The following SUGCT variants were observed in gnomAD, a reference collection of about 807,000 sequenced individuals.
SUGCT encodes the protein succinyl-CoA:glutarate-CoA transferase.
In SUGCT, 41 loss-of-function variants were observed where a neutral mutation model predicts 55.0. The ratio of observed to expected loss-of-function variants is 0.74; its 90% confidence interval spans 0.58 to 0.97. SUGCT has a LOEUF of 0.97. SUGCT is among the 50% of genes least tolerant of loss of function. SUGCT has a pLI of 0.00. For missense variants in SUGCT, 568 were observed against 547.8 expected (o/e 1.04, Z -0.37); for synonymous variants, 187 against 200.4 (o/e 0.93, Z 0.56).
At chr7:40,544,468 T>A (rs559996658) in intron 12 of SUGCT, among the ~76,000 whole-genome samples, 5 of 152,334 alleles carry the variant, frequency 3.3e-5, no homozygotes, top group Middle Eastern at 6.8e-3. Context: ...GTGCATTTTA[T>A]CATGCCGAAG....
intron 6 of SUGCT, among the ~76,000 whole-genome samples, chr7:40,208,051 A>C (rs1787095118): frequency 6.6e-6 from 1 of 152,204 alleles, no homozygotes; most frequent in Non-Finnish European, 1.5e-5. Context: ...ATGAACCTTG[A>C]AGACATTTTG....
intron 12 of SUGCT, among the ~76,000 whole-genome samples, chr7:40,606,268 G>A (rs1798531961): frequency 2.0e-5 from 3 of 152,182 alleles, no homozygotes; most frequent in Non-Finnish European, 4.4e-5. Flanking sequence ...AAAGAAGGAA[G>A]CATTGAAGAA....
intron 6 of SUGCT, among the ~76,000 whole-genome samples, chr7:40,229,812 C>CAAAAAAAA (rs771471649): frequency 3.3e-5 from 2 of 60,780 alleles, no homozygotes; most frequent in Admixed American, 1.9e-4. Context: ...GACTCTGTCT[C>CAAAAAAAA]AAAAAAAAAA....
chr7:40,823,407 T>C (rs1353022368), intron 13 of SUGCT, among the ~76,000 whole-genome samples: 1 of 152,044 alleles, frequency 6.6e-6, no homozygotes, highest in African/African-American at 2.4e-5. Flanking sequence ...CATTTAAAAA[T>C]AGATCCAAAG....
chr7:40,172,392 C>A (rs1449414263), intron 1 of SUGCT, among the ~76,000 whole-genome samples: 1 of 152,080 alleles, frequency 6.6e-6, no homozygotes, highest in Non-Finnish European at 1.5e-5. Flanking sequence ...GCACCAGGGA[C>A]AAGACTCCCT....
At chr7:40,349,673 C>A (rs1481155087) in intron 9 of SUGCT, among the ~76,000 whole-genome samples, 1 of 151,964 alleles carries the variant, frequency 6.6e-6, no homozygotes, top group Non-Finnish European at 1.5e-5. Context: ...AGAAGTTCTT[C>A]TTATATGGTT....
chr7:40,617,694 C>T (rs1799075240), intron 12 of SUGCT, among the ~76,000 whole-genome samples: 1 of 152,142 alleles, frequency 6.6e-6, no homozygotes, highest in Non-Finnish European at 1.5e-5. Flanking sequence ...CAGATTTTGT[C>T]TATAAATTGA....
the SUGCT span, among the ~76,000 whole-genome samples, chr7:40,915,710 C>G: frequency 1.6e-5 from 2 of 122,872 alleles, no homozygotes; most frequent in African/African-American, 7.5e-5. Context: ...CTGGGACAGG[C>G]AGCCCTTCCC....
At chr7:40,223,148 C>T (rs1029229624) in intron 6 of SUGCT, among the ~76,000 whole-genome samples, 1 of 151,850 alleles carries the variant, frequency 6.6e-6, no homozygotes, top group Admixed American at 6.6e-5. Flanking sequence ...GCAACCTCCG[C>T]CTCCTGTGTT....
rs1366543283 is a variant in SUGCT, at chr7:40,842,364, AT to A, written c.1154-17945del. Reference sequence around the variant, plus strand: ...GTTCTTCCAAGAAGAAATAATAAGCATTTTTTTAAAGTCTGACAGTGTTTTC... The same window carrying A: ...GTTCTTCCAAGAAGAAATAATAAGCATTTTTTAAAGTCTGACAGTGTTTTC... On this transcript the variant is annotated intron_variant, in intron 13 of 13. Coordinates refer to ENST00000335693, the MANE Select transcript of SUGCT (RefSeq NM_001193313.2). 4.6e-5 allele frequency among the ~76,000 whole-genome samples: 7 copies of A among 152,086 alleles called. No homozygotes were observed. The South Asian group carries it at 8.3e-4, about 18-fold the overall frequency.
the SUGCT span, among the ~76,000 whole-genome samples, chr7:40,943,100 C>T: frequency 1.3e-5 from 2 of 151,726 alleles, no homozygotes; most frequent in Non-Finnish European, 2.9e-5. Flanking sequence ...TGTTAGAGAG[C>T]TAGTGTGATC....
chr7:40,184,640 G>A (rs978227804), intron 3 of SUGCT, among the ~76,000 whole-genome samples: 1 of 152,022 alleles, frequency 6.6e-6, no homozygotes, highest in African/African-American at 2.4e-5. Flanking sequence ...CATGGCCTAT[G>A]CAGCTTGTTT....
chr7:40,669,726 T>C (rs1428888601), intron 12 of SUGCT, among the ~76,000 whole-genome samples: 3 of 150,670 alleles, frequency 2.0e-5, no homozygotes, highest in East Asian at 1.9e-4. Context: ...AACTTGAAGA[T>C]AGAACAAAAT....
chr7:40,313,960 T>C (rs73320546), intron 8 of SUGCT, among the ~76,000 whole-genome samples: 1,837 of 152,326 alleles, frequency 0.012, 31 homozygotes, highest in African/African-American at 0.042. Flanking sequence ...GTGAGCCTGC[T>C]AATTCTGAAA....
chr7:40,437,887 C>G (rs1788261417), intron 9 of SUGCT, among the ~76,000 whole-genome samples: 1 of 151,956 alleles, frequency 6.6e-6, no homozygotes. Context: ...AGTTTATGCT[C>G]TTGTTTTGAA....
At chr7:40,507,581 C>A (rs1383107050) in intron 12 of SUGCT, among the ~76,000 whole-genome samples, 1 of 152,106 alleles carries the variant, frequency 6.6e-6, no homozygotes, top group African/African-American at 2.4e-5. Context: ...AGGACCCAGC[C>A]TTTAGATATG....
chr7:40,364,879 A>G (rs1290458194), intron 9 of SUGCT, among the ~76,000 whole-genome samples: 4 of 152,194 alleles, frequency 2.6e-5, no homozygotes, highest in East Asian at 1.9e-4. Flanking sequence ...TCCAATCAAT[A>G]GAAAAAGAGG....
intron 12 of SUGCT, among the ~76,000 whole-genome samples, chr7:40,541,915 T>C (rs1254485311): frequency 6.6e-6 from 1 of 152,130 alleles, no homozygotes; most frequent in Non-Finnish European, 1.5e-5. Flanking sequence ...TTGAGGTGTA[T>C]CTTGAAGAAT....
chr7:40,272,570 A>G (rs1194249185), intron 7 of SUGCT, among the ~76,000 whole-genome samples: 1 of 151,674 alleles, frequency 6.6e-6, no homozygotes, highest in Non-Finnish European at 1.5e-5. Context: ...ATGGGAGTGC[A>G]CATATCTCTT....
Sources: gnomAD v4.1 joint callset for allele counts (sites outside exome capture counted in the v4.1 genomes callset) on GRCh38, gnomAD v4.1.1 for gene constraint, MANE v1.5 for transcripts, NCBI Gene and HGNC (gene_info 2026-07-23, HGNC 2026-07-21) for gene names.